ROBO1: variants seen among roughly 807,000 people sequenced by gnomAD.
ROBO1 encodes the protein roundabout guidance receptor 1, also known as roundabout homolog 1.
In ROBO1, 149 loss-of-function variants were observed where a neutral mutation model predicts 195.9. The observed-to-expected ratio is 0.76, with a 90% confidence interval of 0.67 to 0.87. The LOEUF (loss-of-function observed/expected upper bound fraction) is 0.87, where lower values mean the gene tolerates loss of function less well. Ranked by LOEUF, ROBO1 falls within the 40% of genes least tolerant of loss-of-function variation. The pLI is 0.00. For missense variants in ROBO1, 1,933 were observed against 2,068.3 expected, an observed-to-expected ratio of 0.93 and a Z score of 1.27; for synonymous variants, 816 against 733.2, an observed-to-expected ratio of 1.11 and a Z score of -1.82.
At chr3:79,585,175 T>A (rs1943789868) in intron 2 of ROBO1, among the ~76,000 whole-genome samples, 1 of 151,884 alleles carries the variant, frequency 6.6e-6, no homozygotes, top group South Asian at 2.1e-4. Flanking sequence ...TTTCTGTAAG[T>A]CATAATACAG....
intron 4 of ROBO1, among the ~76,000 whole-genome samples, chr3:78,786,521 C>T (rs538701429): frequency 6.6e-6 from 1 of 152,194 alleles, no homozygotes; most frequent in African/African-American, 2.4e-5. Context: ...TGTCCCCACC[C>T]CAATCTCATC....
intron 3 of ROBO1, among the ~76,000 whole-genome samples, chr3:78,941,329 T>C (rs895795786): frequency 3.3e-5 from 5 of 152,150 alleles, no homozygotes; most frequent in African/African-American, 4.8e-5. Flanking sequence ...TAAGGCTATG[T>C]TGAAGCCAAG....
Position 78,746,731 on chromosome 3 carries a change from TTAAA to T in ROBO1, c.657+8_657+11del. On this transcript the variant is annotated splice_region_variant and intron_variant, in intron 5 of 30. Transcript: ENST00000464233. ...CCAACAAATGTCCTCTGCTGTTGAATTAAATACTCACAGTTATTCTTTCATCTTT... is the reference window on the plus strand; with the variant it reads ...CCAACAAATGTCCTCTGCTGTTGAATTACTCACAGTTATTCTTTCATCTTT... The T allele has an allele frequency of 6.8e-7, 1 of 1,469,164 alleles. No homozygotes were observed. The highest frequency in any genetic ancestry group is 9.1e-7 in the Non-Finnish European group (1 of 1,093,798). 91.0% of individuals were successfully genotyped at this position (1,469,164 alleles called of 1,614,324 possible).
At chr3:79,545,874 T>A (rs886830331) in intron 2 of ROBO1, among the ~76,000 whole-genome samples, 10 of 152,146 alleles carry the variant, frequency 6.6e-5, no homozygotes, top group African/African-American at 2.4e-4. Context: ...AAGCATAAGA[T>A]AGAAACATCC....
chr3:79,387,266 A>G (rs1300131377), intron 2 of ROBO1, among the ~76,000 whole-genome samples: 3 of 152,130 alleles, frequency 2.0e-5, no homozygotes, highest in Non-Finnish European at 4.4e-5. Flanking sequence ...AGAAAATGAC[A>G]GTAGCAAAAA....
intron 29 of ROBO1, among the ~76,000 whole-genome samples, chr3:78,604,479 C>T (rs1027909313): frequency 6.6e-6 from 1 of 152,152 alleles, no homozygotes; most frequent in East Asian, 1.9e-4. Flanking sequence ...TATTTGGAGT[C>T]GAGTCACACT....
At chr3:79,014,058 TG>T (rs1466308690) in intron 3 of ROBO1, among the ~76,000 whole-genome samples, 4 of 152,228 alleles carry the variant, frequency 2.6e-5, no homozygotes, top group Non-Finnish European at 5.9e-5. Flanking sequence ...AATTGATTCA[TG>T]AAAGAGTTAA....
intron 28 of ROBO1, among the ~76,000 whole-genome samples, chr3:78,610,635 A>G (rs1703754882): frequency 6.6e-6 from 1 of 152,156 alleles, no homozygotes; most frequent in African/African-American, 2.4e-5. Flanking sequence ...CCACTATCTT[A>G]ACATCATACA....
At chr3:79,577,306 T>C (rs902074361) in intron 2 of ROBO1, among the ~76,000 whole-genome samples, 2 of 152,184 alleles carry the variant, frequency 1.3e-5, no homozygotes, top group African/African-American at 4.8e-5. Context: ...TACATGTTCA[T>C]GTCTTATGTA....
At chr3:79,378,152 T>TCC (rs1406915856) in intron 2 of ROBO1, among the ~76,000 whole-genome samples, 7 of 89,454 alleles carry the variant, frequency 7.8e-5, no homozygotes, top group African/African-American at 5.1e-4. Context: ...TCTCTTATGG[T>TCC]CACTCTCTCT....
intron 1 of ROBO1, among the ~76,000 whole-genome samples, chr3:79,665,283 G>A (rs181350527): frequency 3.2e-4 from 49 of 151,852 alleles, no homozygotes; most frequent in African/African-American, 1.1e-3. Context: ...CTGTTATAGA[G>A]TCTACTTAAT....
At chr3:79,099,738 G>A (rs775612295) in intron 3 of ROBO1, among the ~76,000 whole-genome samples, 42 of 151,800 alleles carry the variant, frequency 2.8e-4, no homozygotes, top group South Asian at 2.1e-4. Context: ...ATTTAATGGA[G>A]ATAATACTGA....
intron 4 of ROBO1, among the ~76,000 whole-genome samples, chr3:78,858,590 A>C (rs1433289054): frequency 6.7e-6 from 1 of 148,856 alleles, no homozygotes; most frequent in Non-Finnish European, 1.5e-5. Flanking sequence ...AAAAAAGGAG[A>C]AGAAGAAAAA....
intron 4 of ROBO1, among the ~76,000 whole-genome samples, chr3:78,894,454 T>A (rs2037112150): frequency 6.6e-6 from 1 of 152,208 alleles, no homozygotes; most frequent in Admixed American, 6.5e-5. Flanking sequence ...GATACACTAA[T>A]CTGCTTTTTG....
At chr3:79,309,075 C>T (rs1235759527) in intron 2 of ROBO1, among the ~76,000 whole-genome samples, 6 of 151,038 alleles carry the variant, frequency 4.0e-5, no homozygotes, top group African/African-American at 1.2e-4. Context: ...AAAAAAAAAG[C>T]CACTGTTATT....
At chr3:79,305,464 G>C (rs1346844717) in intron 2 of ROBO1, among the ~76,000 whole-genome samples, 2 of 141,894 alleles carry the variant, frequency 1.4e-5, no homozygotes, top group Non-Finnish European at 3.0e-5. Flanking sequence ...TCCAGCCTGG[G>C]TGACAAGAGG....
chr3:78,673,581 T>TAC (rs1708213415), intron 10 of ROBO1, among the ~76,000 whole-genome samples: 2 of 56,772 alleles, frequency 3.5e-5, no homozygotes, highest in African/African-American at 1.3e-4. Context: ...TATATATATA[T>TAC]ATATATATAT....
chr3:79,155,986 A>G (rs1013336160), intron 2 of ROBO1, among the ~76,000 whole-genome samples: 1 of 151,794 alleles, frequency 6.6e-6, no homozygotes, highest in Non-Finnish European at 1.5e-5. Context: ...TGCCTTCAAC[A>G]GTAATTTACA....
chr3:79,568,480 GA>G (rs36032880), intron 2 of ROBO1, among the ~76,000 whole-genome samples: 80,074 of 135,250 alleles, frequency 0.59, 22,758 homozygotes, highest in African/African-American at 0.64. Context: ...TTTCTACATT[GA>G]AAAAAAAAAA....
Sources: gnomAD v4.1 joint callset for allele counts (sites outside exome capture counted in the v4.1 genomes callset) on GRCh38, gnomAD v4.1.1 for gene constraint, MANE v1.5 for transcripts, NCBI Gene and HGNC (gene_info 2026-07-23, HGNC 2026-07-21) for gene names.